ROBO2: variants seen among roughly 807,000 people sequenced by gnomAD.
ROBO2 encodes the protein roundabout guidance receptor 2.
Under a neutral mutation model 160.8 loss-of-function variants are expected in ROBO2, and 53 were observed. The ratio of observed to expected loss-of-function variants is 0.33; its 90% confidence interval spans 0.26 to 0.41. ROBO2 has a LOEUF of 0.41. ROBO2 is among the 10% of genes least tolerant of loss of function. The probability of loss-of-function intolerance (pLI) is 1.00; values close to 1 mark genes in which losing one functional copy is unlikely to be tolerated. For synonymous variants in ROBO2, 664 were observed against 611.7 expected (o/e 1.09, Z -1.26); for missense variants, 1,577 against 1,722.4 (o/e 0.92, Z 1.49).
At chr3:76,608,698 T>C (rs1163311955) in intron 2 of ROBO2, among the ~76,000 whole-genome samples, 2 of 152,194 alleles carry the variant, frequency 1.3e-5, no homozygotes, top group East Asian at 3.9e-4. Flanking sequence ...AGAAGTTTTA[T>C]AGTTTGAGAT....
intron 4 of ROBO2, among the ~76,000 whole-genome samples, chr3:77,492,325 C>A (rs939744962): frequency 6.6e-6 from 1 of 152,162 alleles, no homozygotes; most frequent in Non-Finnish European, 1.5e-5. Context: ...ACAAGGAATG[C>A]CAATGTCTGG....
chr3:76,704,882 G>T (rs1560411826), intron 2 of ROBO2, among the ~76,000 whole-genome samples: 1 of 151,966 alleles, frequency 6.6e-6, no homozygotes, highest in East Asian at 1.9e-4. Context: ...AGGTGTTTTT[G>T]ATTAATTAAT....
At chr3:76,417,855 G>T (rs1425323759) in intron 2 of ROBO2, among the ~76,000 whole-genome samples, 1 of 151,954 alleles carries the variant, frequency 6.6e-6, no homozygotes, top group Non-Finnish European at 1.5e-5. Flanking sequence ...GCAAGGATGT[G>T]TTCTCTACCA....
intron 2 of ROBO2, among the ~76,000 whole-genome samples, chr3:76,553,802 C>T (rs1452572875): frequency 1.3e-5 from 2 of 152,074 alleles, no homozygotes; most frequent in Non-Finnish European, 2.9e-5. Flanking sequence ...TTTTTGAACA[C>T]ACTAAAAGTT....
At chr3:76,494,582 A>G (rs895120054) in intron 2 of ROBO2, among the ~76,000 whole-genome samples, 4 of 152,086 alleles carry the variant, frequency 2.6e-5, no homozygotes, top group African/African-American at 9.7e-5. Flanking sequence ...TATAGGGAGG[A>G]GATCTTCCAT....
chr3:76,490,886 A>G (rs1186018263), intron 2 of ROBO2, among the ~76,000 whole-genome samples: 1 of 152,206 alleles, frequency 6.6e-6, no homozygotes, highest in Non-Finnish European at 1.5e-5. Flanking sequence ...AAGATTCAAT[A>G]GAACAACTCC....
At chr3:76,099,149 AGTTATTACTG>A (rs1425629461) in intron 2 of ROBO2, among the ~76,000 whole-genome samples, 1 of 152,180 alleles carries the variant, frequency 6.6e-6, no homozygotes, top group Non-Finnish European at 1.5e-5. Context: ...TGAGAAAGTT[AGTTATTACTG>A]CAATTCCTTG....
intron 2 of ROBO2, among the ~76,000 whole-genome samples, chr3:75,964,721 C>A (rs775224312): frequency 2.0e-5 from 3 of 151,554 alleles, no homozygotes; most frequent in African/African-American, 7.3e-5. Flanking sequence ...GTAAGTTACA[C>A]GAGTTTCAAT....
chr3:76,643,241 G>C (rs2090792772), intron 2 of ROBO2, among the ~76,000 whole-genome samples: 1 of 152,196 alleles, frequency 6.6e-6, no homozygotes, highest in South Asian at 2.1e-4. Flanking sequence ...TAATTATAAG[G>C]TTAAGTAGGT....
intron 2 of ROBO2, among the ~76,000 whole-genome samples, chr3:76,889,376 G>A (rs1043282753): frequency 3.9e-5 from 6 of 152,168 alleles, no homozygotes; most frequent in Admixed American, 3.9e-4. Context: ...AGAAATGTTT[G>A]AAGAAAATTT....
chr3:75,923,114 C>T (rs1947138288), intron 1 of ROBO2, among the ~76,000 whole-genome samples: 1 of 152,160 alleles, frequency 6.6e-6, no homozygotes, highest in African/African-American at 2.4e-5. Flanking sequence ...TAAGTAGTTC[C>T]TATGGCCTTA....
chr3:77,351,256 A>G (rs1042552314), intron 2 of ROBO2, among the ~76,000 whole-genome samples: 1 of 152,188 alleles, frequency 6.6e-6, no homozygotes. Flanking sequence ...AAAGAGCGAC[A>G]TAAACATATC....
At chr3:76,278,803 A>G (rs1346225861) in intron 2 of ROBO2, among the ~76,000 whole-genome samples, 2 of 151,754 alleles carry the variant, frequency 1.3e-5, no homozygotes, top group Admixed American at 1.3e-4. Context: ...TGGGAGAGAA[A>G]TCCACTGATT....
At chr3:77,065,361 G>GTAA (rs1391034649) in intron 1 of ROBO2, among the ~76,000 whole-genome samples, 3 of 152,168 alleles carry the variant, frequency 2.0e-5, no homozygotes, top group Non-Finnish European at 2.9e-5. Context: ...TTCTTAACAA[G>GTAA]TAATGAATGA....
chr3:76,914,168 T>C (rs546089261), intron 2 of ROBO2, among the ~76,000 whole-genome samples: 53 of 152,310 alleles, frequency 3.5e-4, no homozygotes, highest in African/African-American at 1.2e-3. Context: ...TACCCTTAAA[T>C]GTGCATATTC....
At chr3:76,227,519 G>T (rs1257719453) in intron 2 of ROBO2, among the ~76,000 whole-genome samples, 2 of 152,092 alleles carry the variant, frequency 1.3e-5, no homozygotes, top group Non-Finnish European at 2.9e-5. Flanking sequence ...TTTCTTCTGT[G>T]ATGATGCTTA....
chr3:76,803,475 G>GAAA (rs1245595029), intron 2 of ROBO2, among the ~76,000 whole-genome samples: 50 of 149,118 alleles, frequency 3.4e-4, no homozygotes, highest in South Asian at 1.1e-3. Flanking sequence ...AAGGAAGGAA[G>GAAA]GGAGGGAGGG....
intron 1 of ROBO2, among the ~76,000 whole-genome samples, chr3:75,925,805 T>C (rs897739631): frequency 2.0e-4 from 31 of 152,168 alleles, no homozygotes; most frequent in African/African-American, 7.5e-4. Flanking sequence ...GTCATATAGA[T>C]GAGGTACTGG....
exon 17 of ROBO2, chr3:77,588,905 G>C: frequency 6.2e-7 from 1 of 1,613,374 alleles, no homozygotes. Context: ...GGCGAAGAAA[G>C]AAGAGGAAGG....
Sources: allele counts gnomAD v4.1 joint callset (sites outside exome capture counted in the v4.1 genomes callset), GRCh38; gene constraint gnomAD v4.1.1; transcripts MANE v1.5; gene names NCBI Gene and HGNC (gene_info 2026-07-23, HGNC 2026-07-21).